ADAM32: variants seen among roughly 807,000 people sequenced by gnomAD.
ADAM32 encodes the protein disintegrin and metalloproteinase domain-containing protein 32.
ADAM32 carries 89 observed loss-of-function variants against 114.9 expected under a neutral mutation model. That is an observed-to-expected ratio of 0.77 (90% CI 0.65 to 0.92). The LOEUF (loss-of-function observed/expected upper bound fraction) is 0.92, where lower values mean the gene tolerates loss of function less well. ADAM32 is among the 40% of genes least tolerant of loss of function. The pLI is 0.00. For synonymous variants in ADAM32, 285 were observed against 307.5 expected (o/e 0.93, Z 0.77); for missense variants, 870 against 932.8 (o/e 0.93, Z 0.88).
At chr8:39,258,625 TG>T (rs1259096180) in intron 19 of ADAM32, among the ~76,000 whole-genome samples, 2 of 152,162 alleles carry the variant, frequency 1.3e-5, no homozygotes, top group African/African-American at 4.8e-5. Flanking sequence ...GAACAAAAAA[TG>T]AAGTAAATTT....
chr8:39,245,430 C>T (rs994936477), intron 16 of ADAM32, among the ~76,000 whole-genome samples: 10 of 152,050 alleles, frequency 6.6e-5, no homozygotes, highest in African/African-American at 2.4e-4. Flanking sequence ...CCAAACACCA[C>T]CTGTTCCCCA....
chr8:39,223,054 C>A lies in ADAM32; in HGVS notation c.1341C>A (p.Gly447=). 1 of 1,580,470 alleles carries A rather than the reference C, an allele frequency of 6.3e-7. No homozygotes were observed. The highest frequency in any genetic ancestry group is 8.6e-7 in the Non-Finnish European group (1 of 1,164,266). ...CCKDCQILQS[G]VECRPKAHPE... ...ACTTCTCTTAGATTTTACAATCAGGCGTTGAATGTAGGCCGAAAGCACATC... is the reference window on the plus strand; with the variant it reads ...ACTTCTCTTAGATTTTACAATCAGGAGTTGAATGTAGGCCGAAAGCACATC... Residue 447 remains glycine (G), a synonymous_variant, in exon 14 of 25, where the codon GGC becomes GGA. Coordinates refer to ENST00000379907, the MANE Select transcript of ADAM32 (RefSeq NM_145004.7).
chr8:39,242,615 A>G (rs2129449893), intron 16 of ADAM32, among the ~76,000 whole-genome samples: 1 of 152,180 alleles, frequency 6.6e-6, no homozygotes, highest in East Asian at 1.9e-4. Flanking sequence ...AGCACAGGAA[A>G]GACCTGCCTC....
chr8:39,209,718 G>T (rs926917382), intron 11 of ADAM32, among the ~76,000 whole-genome samples: 1 of 152,120 alleles, frequency 6.6e-6, no homozygotes, highest in Non-Finnish European at 1.5e-5. Context: ...TTACGCTGTG[G>T]CTCTCTTGAA....
chr8:39,141,846 AG>A (rs1342979493), intron 3 of ADAM32, among the ~76,000 whole-genome samples: 7 of 152,062 alleles, frequency 4.6e-5, no homozygotes, highest in Admixed American at 2.6e-4. Context: ...TAGGTCTCTA[AG>A]GACTTGCTTT....
intron 11 of ADAM32, among the ~76,000 whole-genome samples, chr8:39,187,537 C>T (rs1371099666): frequency 6.6e-6 from 1 of 152,196 alleles, no homozygotes; most frequent in Admixed American, 6.5e-5. Context: ...TCCCAAAGTG[C>T]TGGGATTACA....
At chr8:39,200,687 A>T (rs1354884846) in intron 11 of ADAM32, among the ~76,000 whole-genome samples, 1 of 152,154 alleles carries the variant, frequency 6.6e-6, no homozygotes, top group Non-Finnish European at 1.5e-5. Context: ...TTTAGACATG[A>T]AGTCCTTGCA....
intron 18 of ADAM32, among the ~76,000 whole-genome samples, chr8:39,255,687 T>C (rs1811610709): frequency 6.6e-6 from 1 of 152,142 alleles, no homozygotes; most frequent in Non-Finnish European, 1.5e-5. Flanking sequence ...ATCTGTTTAC[T>C]CTGCTGATTA....
At chr8:39,149,265 T>A (rs1412648429) in intron 4 of ADAM32, among the ~76,000 whole-genome samples, 1 of 152,200 alleles carries the variant, frequency 6.6e-6, no homozygotes, top group Non-Finnish European at 1.5e-5. Flanking sequence ...TATGTCTTCC[T>A]GGCAAATTGA....
chr8:39,137,681 G>T (rs1372526875), intron 3 of ADAM32, among the ~76,000 whole-genome samples: 1 of 151,170 alleles, frequency 6.6e-6, no homozygotes, highest in Non-Finnish European at 1.5e-5. Context: ...TGAGGCAGGA[G>T]AATCGCTTGA....
At chr8:39,110,073 CTTAA>C (rs995839743) in intron 1 of ADAM32, among the ~76,000 whole-genome samples, 8 of 151,694 alleles carry the variant, frequency 5.3e-5, no homozygotes, top group South Asian at 2.1e-4. Flanking sequence ...TATTTACTTA[CTTAA>C]TTGTTTTTTT....
Position 39,138,700 on chromosome 8 carries a change from C to T in ADAM32, c.200+1982C>T, listed in dbSNP as rs184617163. Among the ~76,000 whole-genome samples, 28 of 152,208 alleles carry T rather than the reference C, an allele frequency of 1.8e-4. No homozygotes were observed. In the East Asian group the frequency reaches 5.0e-3, roughly 27 times the overall value. On this transcript the variant is annotated intron_variant, in intron 3 of 24. Coordinates refer to ENST00000379907, the MANE Select transcript of ADAM32 (RefSeq NM_145004.7). ...TTGGGTATATACCAAGTAATGGGAT[C>T]GCTGGGTCAAATGGTATTTCTAGTT...
At chr8:39,241,669 C>G (rs2129449850) in intron 16 of ADAM32, among the ~76,000 whole-genome samples, 1 of 152,340 alleles carries the variant, frequency 6.6e-6, no homozygotes, top group East Asian at 1.9e-4. Context: ...TGCAGGGCAC[C>G]AAGTCCCTAA....
chr8:39,161,060 C>A, intron 7 of ADAM32, 95 bp downstream of exon 7: 4 of 1,133,630 alleles, frequency 3.5e-6, no homozygotes, highest in South Asian at 1.7e-5. Flanking sequence ...TTCCAATGTT[C>A]TTACTCACAT....
At chr8:39,246,049 C>T (rs776636184) in intron 16 of ADAM32, 34 bp from the exon 17 acceptor site, 38 of 1,547,016 alleles carry the variant, frequency 2.5e-5, no homozygotes, top group Middle Eastern at 1.8e-4. Flanking sequence ...ACCCCTCTGA[C>T]ATGGGAACTT....
chr8:39,170,056 A>C, intron 10 of ADAM32, 59 bp downstream of exon 10: 1 of 1,290,990 alleles, frequency 7.7e-7, no homozygotes, highest in Non-Finnish European at 1.1e-6. Flanking sequence ...ATTTGACATG[A>C]TAGTATATAT....
At chr8:39,256,727 C>A (rs533953282) in intron 18 of ADAM32, among the ~76,000 whole-genome samples, 3 of 152,018 alleles carry the variant, frequency 2.0e-5, no homozygotes, top group African/African-American at 7.2e-5. Flanking sequence ...ATGCCAGTGC[C>A]CTTTTAGTAG....
intron 22 of ADAM32, among the ~76,000 whole-genome samples, chr8:39,277,118 G>A (rs1014835814): frequency 1.3e-5 from 2 of 152,064 alleles, no homozygotes; most frequent in Non-Finnish European, 2.9e-5. Context: ...TGATGTTGTC[G>A]CTTCCTCCAT....
intron 14 of ADAM32, among the ~76,000 whole-genome samples, chr8:39,224,956 A>G (rs1809252005): frequency 6.6e-6 from 1 of 152,124 alleles, no homozygotes; most frequent in South Asian, 2.1e-4. Context: ...GAAGGGAGGA[A>G]GCTATCAGTA....
Sources: gnomAD v4.1 joint callset for allele counts (sites outside exome capture counted in the v4.1 genomes callset) on GRCh38, gnomAD v4.1.1 for gene constraint, MANE v1.5 for transcripts, NCBI Gene and HGNC (gene_info 2026-07-23, HGNC 2026-07-21) for gene names.